Variants in ASB3 observed in about 807,000 individuals in gnomAD.
ASB3 encodes the protein ankyrin repeat and SOCS box protein 3.
A neutral mutation model predicts 54.5 loss-of-function variants in ASB3; 41 were observed. The observed-to-expected ratio is 0.75, with a 90% confidence interval of 0.59 to 0.98. ASB3 has a LOEUF of 0.98. Among genes scored for constraint, ASB3 ranks in the 50% least tolerant of loss-of-function variants. The pLI is 0.00. For synonymous variants in ASB3, 266 were observed against 221.2 expected, an observed-to-expected ratio of 1.20 and a Z score of -1.80; for missense variants, 733 against 620.0, an observed-to-expected ratio of 1.18 and a Z score of -1.94.
At chr2:53,767,830 C>T (rs965734324) in intron 1 of ASB3, 62 of 1,552,696 alleles carry the variant, frequency 4.0e-5, no homozygotes, top group Non-Finnish European at 4.9e-5. Context: ...CTTCAGTCCC[C>T]GGCGGCGCGG....
chr2:53,686,873 C>T (rs944674639), intron 9 of ASB3, among the ~76,000 whole-genome samples: 27 of 152,132 alleles, frequency 1.8e-4, no homozygotes, highest in African/African-American at 6.5e-4. Context: ...AGGCGCTTGC[C>T]ACCACACCCG....
intron 1 of ASB3, among the ~76,000 whole-genome samples, chr2:53,782,542 AC>A: frequency 6.6e-6 from 1 of 152,254 alleles, no homozygotes; most frequent in South Asian, 2.1e-4. Context: ...TACACACAAA[AC>A]GCCTGGCAGC....
At chr2:53,785,175 C>T (rs1253650283) in intron 1 of ASB3, among the ~76,000 whole-genome samples, 1 of 152,234 alleles carries the variant, frequency 6.6e-6, no homozygotes, top group African/African-American at 2.4e-5. Context: ...CTCTGACTTA[C>T]GTACTAAAAG....
chr2:53,716,836 A>G, intron 5 of ASB3, 93 bp from the exon 6 acceptor site: 1 of 1,351,484 alleles, frequency 7.4e-7, no homozygotes, highest in Non-Finnish European at 9.8e-7. Flanking sequence ...AGGGTTTCGT[A>G]GCACGGTAAG....
chr2:53,683,361 G>C (rs1171838453), intron 9 of ASB3, among the ~76,000 whole-genome samples: 2 of 151,788 alleles, frequency 1.3e-5, no homozygotes, highest in Non-Finnish European at 2.9e-5. Context: ...GTAGAATTCG[G>C]TTTGCTAGTA....
Position 53,714,702 on chromosome 2 carries a change from T to C in ASB3, c.783-121A>G, listed in dbSNP as rs1042584526. 5.0e-6 allele frequency: 5 copies of C among 993,574 alleles called. No homozygotes were observed. The African/African-American group carries it at 8.2e-5, about 16-fold the overall frequency. The allele number at this position is 993,574 out of a possible 1,614,324, so 61.5% of individuals were successfully genotyped here. ...TGATTCATTTAAAGAAATATTTCTG[T>C]CTAGGGTGTACCTTCTACCAACAAC... On this transcript the variant is annotated intron_variant, in intron 6 of 9. Coordinates refer to ENST00000263634, the MANE Select transcript of ASB3 (RefSeq NM_016115.5).
At chr2:53,712,085 G>C (rs1438560812) in intron 7 of ASB3, among the ~76,000 whole-genome samples, 3 of 151,894 alleles carry the variant, frequency 2.0e-5, no homozygotes, top group African/African-American at 7.3e-5. Flanking sequence ...TGGAGTACTT[G>C]TGAAAGGAAA....
rs1297280289 is a variant in ASB3 at position 53,707,974 on chromosome 2, AAAAG to A, written c.980+6406_980+6409del. 3.5e-4 allele frequency among the ~76,000 whole-genome samples: 52 copies of A among 149,350 alleles called. No homozygotes were observed. In the East Asian group the frequency reaches 6.6e-3, roughly 19 times the overall value. ...CAGACTCTGTCTCAAAAAAAAAAAA[AAAAG>A]AAAGAAAGAAAGAAAAGAAAAGAAA... On this transcript the variant is annotated intron_variant, in intron 7 of 9. Coordinates refer to ENST00000263634, the MANE Select transcript of ASB3 (RefSeq NM_016115.5).
chr2:53,725,894 C>T (rs941492062), intron 5 of ASB3, among the ~76,000 whole-genome samples: 1 of 151,844 alleles, frequency 6.6e-6, no homozygotes, highest in Non-Finnish European at 1.5e-5. Flanking sequence ...GAAGTAAACA[C>T]TATAACTGAA....
At chr2:53,682,769 G>A (rs577924488) in intron 9 of ASB3, among the ~76,000 whole-genome samples, 21 of 152,216 alleles carry the variant, frequency 1.4e-4, no homozygotes, top group African/African-American at 4.6e-4. Flanking sequence ...GAGCCACTGC[G>A]CCCAGCCTGT....
rs1435778165 is a variant in ASB3, at chr2:53,725,629, TGA to T, written c.604+3081_604+3082del. On this transcript the variant is annotated intron_variant, in intron 5 of 9. Coordinates refer to ENST00000263634, the MANE Select transcript of ASB3 (RefSeq NM_016115.5). ...TACATATGATGTTGTTACATGACCA[TGA>T]GAGTTTTTTAAATTTCTAGAATACA... 1.1e-4 allele frequency among the ~76,000 whole-genome samples: 16 copies of T among 152,340 alleles called. No individual in the cohort carries two copies. In the East Asian group the frequency reaches 3.1e-3, roughly 29 times the overall value.
intron 1 of ASB3, among the ~76,000 whole-genome samples, chr2:53,768,947 A>C (rs543895279): frequency 6.6e-6 from 1 of 152,264 alleles, no homozygotes; most frequent in Non-Finnish European, 1.5e-5. Flanking sequence ...GCACCTGCTC[A>C]TAAGAGAGAC....
At chr2:53,701,429 T>C (rs1669489705) in intron 7 of ASB3, among the ~76,000 whole-genome samples, 1 of 152,214 alleles carries the variant, frequency 6.6e-6, no homozygotes, top group Non-Finnish European at 1.5e-5. Context: ...GGGATAATGA[T>C]ATCAAACCAA....
chr2:53,736,686 G>C (rs1278909023), intron 3 of ASB3, among the ~76,000 whole-genome samples: 1 of 142,698 alleles, frequency 7.0e-6, no homozygotes, highest in Non-Finnish European at 1.5e-5. Flanking sequence ...GCGACAGAGT[G>C]AGATTCCATC....
chr2:53,786,942 C>T lies in ASB3; in HGVS notation c.-135G>A, dbSNP rs1675057809. The stretch of plus-strand genomic sequence containing the variant: ...GCTGCAGCCGTCCGAAAACGAGAGA[C>T]GCGCAGGCGACGTCCCGGCCCCCGT... On this transcript the variant is annotated 5_prime_UTR_variant, in exon 1 of 10. Transcript: ENST00000263634. 1 of 430,232 alleles carries T rather than the reference C, an allele frequency of 2.3e-6. No homozygotes were observed. Among genetic ancestry groups the T allele is most frequent in the Non-Finnish European group, 4.1e-6 (1 of 242,500 alleles). The allele number at this position is 430,232 out of a possible 1,614,324, so 26.7% of individuals were successfully genotyped here.
At chr2:53,694,522 A>C (rs1669085497) in intron 8 of ASB3, 1 of 152,370 alleles carries the variant, frequency 6.6e-6, no homozygotes. Context: ...CCCCATTATA[A>C]ATTCAGCCCT....
At chr2:53,708,379 T>C (rs1483083360) in intron 7 of ASB3, among the ~76,000 whole-genome samples, 1 of 152,232 alleles carries the variant, frequency 6.6e-6, no homozygotes, top group Non-Finnish European at 1.5e-5. Context: ...CTGTACAACC[T>C]GTGGAACTAT....
In ASB3 at chr2:53,765,548, C is replaced by A. The variant is rs373945186; in HGVS notation, c.25G>T (p.Asp9Tyr). ...GCAAGTCCAACTGTAGAGCACGTGT[C>A]CGCGTAAGCCTCTGTAAAATCCATT... The part of the protein sequence containing the change: MDFTEAYA[D>Y]TCSTVGLAAR... Residue 9 changes from aspartate (D) to tyrosine (Y), a missense_variant, in exon 2 of 10, where the codon GAC becomes TAC. By Grantham distance (160) the Asp-to-Tyr change is radical (BLOSUM62 -3). Transcript: ENST00000263634. The A allele has an allele frequency of 1.2e-4, 200 of 1,614,068 alleles. No individual in the cohort carries two copies. Among genetic ancestry groups the A allele is most frequent in the Non-Finnish European group, 1.6e-4 (192 of 1,180,040 alleles).
At chr2:53,778,633 T>C (rs948109611) in intron 1 of ASB3, among the ~76,000 whole-genome samples, 3 of 152,198 alleles carry the variant, frequency 2.0e-5, no homozygotes, top group Non-Finnish European at 2.9e-5. Flanking sequence ...TAAGCACATA[T>C]GTTGTTTGTC....
Sources: gnomAD v4.1 joint callset for allele counts (sites outside exome capture counted in the v4.1 genomes callset) on GRCh38, gnomAD v4.1.1 for gene constraint, MANE v1.5 for transcripts, NCBI Gene and HGNC (gene_info 2026-07-23, HGNC 2026-07-21) for gene names.